AKAP7: variants seen among roughly 807,000 people sequenced by gnomAD.
AKAP7 encodes A kinase (PRKA) anchor protein 7.
Under a neutral mutation model 39.5 loss-of-function variants are expected in AKAP7, and 39 were observed. That is an observed-to-expected ratio of 0.99 (90% confidence interval 0.76 to 1.29). The LOEUF is 1.29. Among genes scored for constraint, AKAP7 ranks in the 50% most tolerant of loss-of-function variants. The pLI, the probability that AKAP7 is intolerant of heterozygous loss-of-function variation, is 0.00. For missense variants in AKAP7, 414 were observed against 407.7 expected (o/e 1.02, Z -0.13); for synonymous variants, 140 against 139.1 (o/e 1.01, Z -0.05).
intron 7 of AKAP7, among the ~76,000 whole-genome samples, chr6:131,257,099 A>G (rs747888552): frequency 1.3e-5 from 2 of 152,112 alleles, no homozygotes; most frequent in Non-Finnish European, 2.9e-5. Flanking sequence ...AACAGTATCT[A>G]CCTATTGAGA....
intron 1 of AKAP7, among the ~76,000 whole-genome samples, chr6:131,140,305 C>T (rs192978480): frequency 1.3e-5 from 2 of 152,028 alleles, no homozygotes; most frequent in Admixed American, 1.3e-4. Flanking sequence ...TTCTAATGTG[C>T]AGTTACTATT....
intron 2 of AKAP7, among the ~76,000 whole-genome samples, chr6:131,151,619 G>A (rs1466096190): frequency 6.6e-6 from 1 of 151,912 alleles, no homozygotes; most frequent in East Asian, 1.9e-4. Context: ...GGTGGCATGT[G>A]CCTGTAATCC....
chr6:131,213,170 G>A (rs1194992189), intron 6 of AKAP7, among the ~76,000 whole-genome samples: 1 of 152,144 alleles, frequency 6.6e-6, no homozygotes. Flanking sequence ...GTGTTATGTG[G>A]CAAGTTAAAG....
chr6:131,173,566 CAAA>C (rs1804291063), intron 5 of AKAP7, among the ~76,000 whole-genome samples: 1 of 152,152 alleles, frequency 6.6e-6, no homozygotes, highest in African/African-American at 2.4e-5. Context: ...AGCAAGCATG[CAAA>C]CAAATAAGCA....
chr6:131,161,532 C>G (rs1340584585), intron 3 of AKAP7, among the ~76,000 whole-genome samples: 1 of 150,914 alleles, frequency 6.6e-6, no homozygotes, highest in East Asian at 1.9e-4. Context: ...GTGGTCCTAG[C>G]TACTTGGGAG....
intron 5 of AKAP7, among the ~76,000 whole-genome samples, chr6:131,179,205 G>A (rs745691667): frequency 1.3e-5 from 2 of 151,672 alleles, no homozygotes; most frequent in Non-Finnish European, 2.9e-5. Flanking sequence ...ATGGAGTCTC[G>A]CCCTGTTGCC....
At chr6:131,172,782 A>G (rs997479758) in intron 5 of AKAP7, among the ~76,000 whole-genome samples, 1 of 152,366 alleles carries the variant, frequency 6.6e-6, no homozygotes, top group East Asian at 1.9e-4. Context: ...TGCTTTTACT[A>G]TAATTCTTTT....
intron 6 of AKAP7, among the ~76,000 whole-genome samples, chr6:131,215,816 G>A (rs1248292243): frequency 1.3e-5 from 2 of 152,152 alleles, no homozygotes; most frequent in African/African-American, 2.4e-5. Flanking sequence ...AGAGATTACT[G>A]TTCTTCTTTA....
chr6:131,137,036 A>G (rs569810254), intron 1 of AKAP7, among the ~76,000 whole-genome samples: 1 of 152,302 alleles, frequency 6.6e-6, no homozygotes, highest in East Asian at 1.9e-4. Flanking sequence ...ATCATGGCTC[A>G]CTGCAGCCTA....
chr6:131,169,309 G>T (rs1192710915), intron 5 of AKAP7, 36 bp downstream of exon 5: 3 of 1,597,492 alleles, frequency 1.9e-6, no homozygotes, highest in Admixed American at 1.8e-5. Context: ...AATCTTGTCT[G>T]TTGGAGAAGC....
chr6:131,268,252 G>A (rs1174868200), intron 7 of AKAP7, among the ~76,000 whole-genome samples: 1 of 152,104 alleles, frequency 6.6e-6, no homozygotes, highest in Non-Finnish European at 1.5e-5. Flanking sequence ...GCCTGGGGGT[G>A]GGTGTCTTGG....
intron 6 of AKAP7, among the ~76,000 whole-genome samples, chr6:131,219,143 A>C (rs1809469786): frequency 6.6e-6 from 1 of 151,922 alleles, no homozygotes; most frequent in African/African-American, 2.4e-5. Flanking sequence ...GACAGAAAAA[A>C]TACAGGTGTG....
In AKAP7 at chr6:131,281,457, A is replaced by G; in HGVS notation, c.851-73A>G. 7.9e-7 allele frequency: 1 copy of G among 1,261,182 alleles called. No individual in the cohort carries two copies. The highest frequency in any genetic ancestry group is 2.5e-5 in the East Asian group (1 of 39,320). The allele number at this position is 1,261,182 out of a possible 1,614,324, so 78.1% of individuals were successfully genotyped here. On this transcript the variant is annotated intron_variant, in intron 7 of 7. Coordinates refer to ENST00000431975, the MANE Select transcript of AKAP7 (RefSeq NM_016377.4). This position sits in a 1 kb window ranked among gnomAD's most constrained non-coding sequence, Gnocchi z 4.0. ...CTTGCTCTTTTTAACCAATGGAACT[A>G]GCCGGCCCCTGCATGCCAAGTTTCT...
At chr6:131,148,102 T>C (rs1013370780) in intron 2 of AKAP7, among the ~76,000 whole-genome samples, 5 of 152,198 alleles carry the variant, frequency 3.3e-5, no homozygotes, top group Non-Finnish European at 5.9e-5. Context: ...AGGATGTGCA[T>C]TGGAGGGATG....
chr6:131,239,596 T>G (rs567182405), intron 7 of AKAP7, among the ~76,000 whole-genome samples: 1 of 152,298 alleles, frequency 6.6e-6, no homozygotes, highest in African/African-American at 2.4e-5. Context: ...CTTGGAGGCT[T>G]TGTTTGTTTC....
chr6:131,201,921 A>G (rs1458136770), intron 6 of AKAP7, among the ~76,000 whole-genome samples: 1 of 152,198 alleles, frequency 6.6e-6, no homozygotes, highest in Non-Finnish European at 1.5e-5. Flanking sequence ...AGCGTTATCA[A>G]CAAACAACCC....
At chr6:131,127,884 A>G in the AKAP7 span, among the ~76,000 whole-genome samples, 3 of 152,238 alleles carry the variant, frequency 2.0e-5, no homozygotes, top group African/African-American at 7.2e-5. Flanking sequence ...AGGAATATGG[A>G]TGGAGCTGGA....
intron 4 of AKAP7, among the ~76,000 whole-genome samples, chr6:131,168,829 T>C (rs1803755044): frequency 6.6e-6 from 1 of 152,202 alleles, no homozygotes; most frequent in Non-Finnish European, 1.5e-5. Context: ...TCATATAATA[T>C]TTCACTTGGT....
chr6:131,250,188 G>A (rs1337338538), intron 7 of AKAP7: 1 of 999,558 alleles, frequency 1.0e-6, no homozygotes, highest in East Asian at 1.0e-4. Context: ...AGGAGAAAGG[G>A]CTCATTGTGG....
Sources: allele counts gnomAD v4.1 joint callset (sites outside exome capture counted in the v4.1 genomes callset), GRCh38; gene constraint gnomAD v4.1.1; non-coding constraint Gnocchi (gnomAD v3.1); transcripts MANE v1.5; gene names NCBI Gene and HGNC (gene_info 2026-07-23, HGNC 2026-07-21).